PCDHA3: variants seen among roughly 807,000 people sequenced by gnomAD.
PCDHA3 encodes protocadherin alpha 3, also known as protocadherin alpha-3.
A neutral mutation model predicts 62.2 loss-of-function variants in PCDHA3; 41 were observed. That is an observed-to-expected ratio of 0.66 (90% CI 0.51 to 0.86). PCDHA3 has a LOEUF of 0.86. PCDHA3 is among the 40% of genes least tolerant of loss of function. The pLI is 0.00. For synonymous variants in PCDHA3, 640 were observed against 555.4 expected (o/e 1.15, Z -2.14); for missense variants, 1,304 against 1,241.2 (o/e 1.05, Z -0.76).
At chr5:140,901,006 C>T (rs2068410974) in intron 1 of PCDHA3, among the ~76,000 whole-genome samples, 2 of 152,070 alleles carry the variant, frequency 1.3e-5, no homozygotes, top group African/African-American at 4.8e-5. Flanking sequence ...AGTATGTCTT[C>T]TTTTGAGAAA....
At chr5:140,959,826 T>C (rs2095512884) in intron 1 of PCDHA3, among the ~76,000 whole-genome samples, 1 of 152,224 alleles carries the variant, frequency 6.6e-6, no homozygotes, top group Non-Finnish European at 1.5e-5. Flanking sequence ...CACATGATAA[T>C]GTATTATGCC....
intron 1 of PCDHA3, chr5:140,969,531 A>G: frequency 7.4e-7 from 1 of 1,356,026 alleles, no homozygotes; most frequent in South Asian, 1.6e-5. Context: ...TTTATTTTTC[A>G]TTTTCAGAGG....
chr5:140,889,329 T>C (rs1554183865), intron 1 of PCDHA3, among the ~76,000 whole-genome samples: 2 of 152,090 alleles, frequency 1.3e-5, no homozygotes, highest in Admixed American at 6.5e-5. Context: ...GTATCAGGAT[T>C]TTGATTGGTG....
At chr5:140,808,794 C>G (rs1465939551) in intron 1 of PCDHA3, 11 of 1,612,506 alleles carry the variant, frequency 6.8e-6, no homozygotes, top group South Asian at 4.4e-5. Flanking sequence ...TTTCAGGTGA[C>G]CGCTCGCGAT....
chr5:140,926,842 G>A (rs1388239431), intron 1 of PCDHA3: 1 of 1,514,684 alleles, frequency 6.6e-7, no homozygotes, highest in Non-Finnish European at 8.8e-7. Flanking sequence ...GCATGGTCCT[G>A]GGTCACCGTT....
At chr5:140,979,244 T>C (rs1214932523) in intron 2 of PCDHA3, among the ~76,000 whole-genome samples, 1 of 152,224 alleles carries the variant, frequency 6.6e-6, no homozygotes, top group African/African-American at 2.4e-5. Context: ...AGAAACAGGC[T>C]GCTATGTATT....
At chr5:140,912,209 G>T (rs1027468350) in intron 1 of PCDHA3, among the ~76,000 whole-genome samples, 8 of 152,158 alleles carry the variant, frequency 5.3e-5, no homozygotes, top group Non-Finnish European at 7.3e-5. Context: ...ATTGAGGGTA[G>T]ATCTGCCTTT....
At chr5:140,869,591 A>AGAAT in intron 1 of PCDHA3, 1 of 1,614,138 alleles carries the variant, frequency 6.2e-7, no homozygotes. Flanking sequence ...GCTGACATTG[A>AGAAT]AGAGAATGCT....
At chr5:140,831,247 T>C (rs752027104) in intron 1 of PCDHA3, 1 of 152,234 alleles carries the variant, frequency 6.6e-6, no homozygotes, top group Admixed American at 6.6e-5. Flanking sequence ...TGCGGCTCTC[T>C]TATTTCTGTT....
chr5:140,821,899 A>T, intron 1 of PCDHA3: 2 of 1,614,162 alleles, frequency 1.2e-6, no homozygotes, highest in Non-Finnish European at 1.7e-6. Context: ...CAAACACGGA[A>T]CCTTCGTTGG....
chr5:140,926,170 C>T lies in PCDHA3; in HGVS notation c.2395-52779C>T, dbSNP rs558750358. 2.6e-5 allele frequency among the ~76,000 whole-genome samples: 4 copies of T among 151,860 alleles called. No homozygotes were observed. In the South Asian group the frequency reaches 6.6e-4, roughly 25 times the overall value. On this transcript the variant is annotated intron_variant, in intron 1 of 3. Coordinates refer to ENST00000522353, the MANE Select transcript of PCDHA3 (RefSeq NM_018906.3). ...CGGAAAGCTCTGCAGCAGGATCCAG[C>T]GCGGAAAGCCCCCCGCAGCACTTCT...
chr5:140,807,669 A>C (rs782656312), intron 1 of PCDHA3: 28 of 1,614,110 alleles, frequency 1.7e-5, no homozygotes, highest in South Asian at 4.4e-5. Context: ...TCGGATGCAG[A>C]TATCGGGGAG....
intron 2 of PCDHA3, among the ~76,000 whole-genome samples, chr5:140,980,631 A>G (rs1272240071): frequency 6.6e-6 from 1 of 152,222 alleles, no homozygotes; most frequent in Non-Finnish European, 1.5e-5. Flanking sequence ...TCTGTCTCAG[A>G]AGAATAAATA....
rs782453395 is a variant in PCDHA3 at position 140,875,890 on chromosome 5, G to T, written c.2394+72299G>T. 79 of 1,614,062 alleles carry T rather than the reference G, an allele frequency of 4.9e-5. No homozygotes were observed. Among genetic ancestry groups the T allele is most frequent in the Non-Finnish European group, 5.9e-5 (70 of 1,180,034 alleles). On this transcript the variant is annotated intron_variant, in intron 1 of 3. Coordinates refer to ENST00000522353, the MANE Select transcript of PCDHA3 (RefSeq NM_018906.3). ...GGTGTTCAGAGAAAGGGAACAAAAG[G>T]TACCTGTTTCTGAATCTGCGCCTCT...
At position 140,841,506 on chromosome 5, in the gene PCDHA3, G is replaced by C. The variant is rs2150316870; in HGVS notation, c.2394+37915G>C. ...CTGGAGCTGGCGGAGCTGGTGCCGC[G>C]CCTGTTCCGGGTGGCGTCCAAAAGA... On this transcript the variant is annotated intron_variant, in intron 1 of 3. Coordinates refer to ENST00000522353, the MANE Select transcript of PCDHA3 (RefSeq NM_018906.3). 4 of 1,613,388 alleles carry C rather than the reference G, an allele frequency of 2.5e-6. No homozygotes were observed. Among genetic ancestry groups the C allele is most frequent in the Admixed American group, 1.7e-5 (1 of 60,006 alleles).
chr5:140,890,870 T>A (rs1217710440), intron 1 of PCDHA3, among the ~76,000 whole-genome samples: 1 of 152,226 alleles, frequency 6.6e-6, no homozygotes, highest in Non-Finnish European at 1.5e-5. Flanking sequence ...CTTGCCCCTC[T>A]GACCTTTCAT....
intron 1 of PCDHA3, among the ~76,000 whole-genome samples, chr5:140,924,043 G>C (rs2081638586): frequency 6.6e-6 from 1 of 152,176 alleles, no homozygotes; most frequent in Non-Finnish European, 1.5e-5. Flanking sequence ...AGACCTAAAA[G>C]TTCGGTACAT....
At chr5:140,870,081 T>A (rs782572380) in intron 1 of PCDHA3, 1 of 1,613,698 alleles carries the variant, frequency 6.2e-7, no homozygotes, top group East Asian at 2.2e-5. Flanking sequence ...ATAAGGGGAC[T>A]CCCCCAATGG....
At chr5:141,008,568 T>C (rs1430525508) in intron 3 of PCDHA3, among the ~76,000 whole-genome samples, 2 of 152,220 alleles carry the variant, frequency 1.3e-5, no homozygotes, top group African/African-American at 4.8e-5. Flanking sequence ...GCATAATCAT[T>C]TTCCCAAGAC....
Sources: allele counts gnomAD v4.1 joint callset (sites outside exome capture counted in the v4.1 genomes callset), GRCh38; gene constraint gnomAD v4.1.1; transcripts MANE v1.5; gene names NCBI Gene and HGNC (gene_info 2026-07-23, HGNC 2026-07-21).